DIAPH2: variants seen among roughly 807,000 people sequenced by gnomAD.
The protein encoded by DIAPH2 is protein diaphanous homolog 2.
A neutral mutation model predicts 92.7 loss-of-function variants in DIAPH2; 35 were observed. That is an observed-to-expected ratio of 0.38 (90% confidence interval 0.29 to 0.50). The LOEUF is 0.50. DIAPH2 is among the 20% of genes least tolerant of loss of function. The probability of loss-of-function intolerance (pLI) is 0.94; values close to 1 mark genes in which losing one functional copy is unlikely to be tolerated. For synonymous variants in DIAPH2, 301 were observed against 280.4 expected (o/e 1.07, Z -0.73); for missense variants, 701 against 819.5 (o/e 0.86, Z 1.77).
At chrX:97,276,484 A>G (rs1378035789) in intron 23 of DIAPH2, among the ~76,000 whole-genome samples, 5 of 111,612 alleles carry the variant, frequency 4.5e-5, no homozygotes, top group African/African-American at 1.6e-4. Flanking sequence ...TTCCAACCAC[A>G]TCTTGTTTTG....
chrX:97,015,337 G>T (rs762086350), intron 17 of DIAPH2, among the ~76,000 whole-genome samples: 1 of 111,620 alleles, frequency 9.0e-6, no homozygotes, highest in Admixed American at 9.5e-5. Flanking sequence ...TAAATGCTCT[G>T]CCCTCCATAA....
chrX:97,590,528 T>TA (rs758743007), intron 26 of DIAPH2, among the ~76,000 whole-genome samples: 115 of 112,416 alleles, frequency 1.0e-3, no homozygotes, highest in Admixed American at 4.5e-3. Flanking sequence ...TGCTCAAAGT[T>TA]AGAGAAATGG....
intron 22 of DIAPH2, among the ~76,000 whole-genome samples, chrX:97,205,195 A>C (rs1285617585): frequency 1.8e-5 from 2 of 112,503 alleles, no homozygotes; most frequent in Non-Finnish European, 3.7e-5. Flanking sequence ...TAAAGACTTA[A>C]ATGTAAATCC....
chrX:97,275,293 G>C (rs1203879801), intron 23 of DIAPH2, among the ~76,000 whole-genome samples: 3 of 81,597 alleles, frequency 3.7e-5, no homozygotes, highest in Non-Finnish European at 4.8e-5. Context: ...CCTCCCTCCC[G>C]GGAGGGGCGG....
intron 24 of DIAPH2, among the ~76,000 whole-genome samples, chrX:97,349,083 T>TATA (rs1491356215): frequency 6.6e-5 from 3 of 45,552 alleles, no homozygotes; most frequent in African/African-American, 1.8e-4. Flanking sequence ...TATATATATA[T>TATA]TTTTTTTTTT....
intron 5 of DIAPH2, among the ~76,000 whole-genome samples, chrX:96,902,404 G>T (rs768138971): frequency 1.2e-4 from 13 of 111,545 alleles, no homozygotes; most frequent in African/African-American, 4.2e-4. Context: ...CACTCACTAT[G>T]TTGCTGTCTA....
chrX:97,433,418 A>T (rs748691364), intron 26 of DIAPH2, among the ~76,000 whole-genome samples: 12 of 111,577 alleles, frequency 1.1e-4, no homozygotes, highest in Non-Finnish European at 1.9e-4. Context: ...CAGGTGGCTG[A>T]GGTGAGAGGA....
intron 4 of DIAPH2, among the ~76,000 whole-genome samples, chrX:96,837,431 C>CTG (rs1311423042): frequency 1.8e-3 from 66 of 36,507 alleles, no homozygotes; most frequent in East Asian, 2.6e-3. Context: ...CTCTCTCTCT[C>CTG]TCTGTGTGTG....
intron 20 of DIAPH2, among the ~76,000 whole-genome samples, chrX:97,107,952 C>T (rs150841567): frequency 3.6e-5 from 4 of 109,622 alleles, no homozygotes; most frequent in African/African-American, 3.3e-5. Context: ...ATAGGAGTGC[C>T]ATGTGGCCAT....
At chrX:96,769,691 C>G (rs1040025279) in intron 4 of DIAPH2, among the ~76,000 whole-genome samples, 1 of 111,299 alleles carries the variant, frequency 9.0e-6, no homozygotes, top group African/African-American at 3.3e-5. Context: ...TGCAATGTTC[C>G]TAATAATCTC....
At chrX:97,084,489 G>T (rs1463926320) in intron 19 of DIAPH2, among the ~76,000 whole-genome samples, 1 of 111,093 alleles carries the variant, frequency 9.0e-6, no homozygotes, top group Non-Finnish European at 1.9e-5. Context: ...TATCAGCAGG[G>T]TGATAATTCT....
intron 1 of DIAPH2, among the ~76,000 whole-genome samples, chrX:96,715,129 A>G (rs2063942099): frequency 8.9e-6 from 1 of 112,220 alleles, no homozygotes; most frequent in Admixed American, 9.5e-5. Flanking sequence ...AGAGTTCTGT[A>G]TCTTTTAAAA....
At chrX:96,837,431 CTCTGTGTGTGTG>C (rs1458623085) in intron 4 of DIAPH2, among the ~76,000 whole-genome samples, 1 of 36,503 alleles carries the variant, frequency 2.7e-5, no homozygotes, top group African/African-American at 2.7e-4. Flanking sequence ...CTCTCTCTCT[CTCTGTGTGTGTG>C]TGTGTGTGTG....
chrX:97,207,458 T>C (rs1385999424), intron 22 of DIAPH2, among the ~76,000 whole-genome samples: 3 of 111,880 alleles, frequency 2.7e-5, no homozygotes, highest in Admixed American at 9.5e-5. Context: ...ATTAAGCTCA[T>C]AGTATATGTC....
chrX:97,267,355 A>G (rs2068345947), intron 23 of DIAPH2, among the ~76,000 whole-genome samples: 1 of 111,725 alleles, frequency 9.0e-6, no homozygotes. Context: ...TTTGCATAAT[A>G]TTTTAATCCA....
At chrX:96,961,460 CAA>C (rs35983520) in intron 16 of DIAPH2, among the ~76,000 whole-genome samples, 2 of 82,203 alleles carry the variant, frequency 2.4e-5, no homozygotes, top group Non-Finnish European at 4.6e-5. Flanking sequence ...TTTATCTTTT[CAA>C]AAAAAAAAAA....
intron 23 of DIAPH2, among the ~76,000 whole-genome samples, chrX:97,275,050 A>G (rs2068427320): frequency 8.9e-6 from 1 of 112,038 alleles, no homozygotes; most frequent in African/African-American, 3.2e-5. Flanking sequence ...CTTTCTACAC[A>G]GACACAGCAA....
chrX:96,916,903 A>G (rs2065508237), intron 8 of DIAPH2, among the ~76,000 whole-genome samples: 1 of 111,545 alleles, frequency 9.0e-6, no homozygotes, highest in Non-Finnish European at 1.9e-5. Context: ...ACACACATAC[A>G]TACACAAATA....
At chrX:97,554,081 G>A (rs955656906) in intron 26 of DIAPH2, among the ~76,000 whole-genome samples, 2 of 111,147 alleles carry the variant, frequency 1.8e-5, no homozygotes, top group Non-Finnish European at 1.9e-5. Context: ...TCCAGCCTCC[G>A]TTTGGTACAC....
Sources: allele counts gnomAD v4.1 joint callset (sites outside exome capture counted in the v4.1 genomes callset), GRCh38; gene constraint gnomAD v4.1.1; transcripts MANE v1.5; gene names NCBI Gene and HGNC (gene_info 2026-07-23, HGNC 2026-07-21).